MYH13: variants seen among roughly 807,000 people sequenced by gnomAD.
The protein encoded by MYH13 is myosin heavy chain 13, also known as myosin-13.
A neutral mutation model predicts 232.1 loss-of-function variants in MYH13; 177 were observed. That is an observed-to-expected ratio of 0.76 (90% confidence interval 0.67 to 0.86). The LOEUF (loss-of-function observed/expected upper bound fraction) is 0.86, where lower values mean the gene tolerates loss of function less well. Among genes scored for constraint, MYH13 ranks in the 40% least tolerant of loss-of-function variants. The pLI, the probability that MYH13 is intolerant of heterozygous loss-of-function variation, is 0.00. For synonymous variants in MYH13, 884 were observed against 923.5 expected (o/e 0.96, Z 0.78); for missense variants, 2,246 against 2,405.9 (o/e 0.93, Z 1.39).
intron 20 of MYH13, among the ~76,000 whole-genome samples, chr17:10,331,338 C>T (rs1460140016): frequency 2.0e-5 from 3 of 152,166 alleles, no homozygotes; most frequent in African/African-American, 4.8e-5. Flanking sequence ...CCAGCCTGCC[C>T]GTTTCTGAGA....
At chr17:10,370,578 C>T (rs1644331818) in intron 2 of MYH13, among the ~76,000 whole-genome samples, 2 of 152,148 alleles carry the variant, frequency 1.3e-5, no homozygotes, top group African/African-American at 4.8e-5. Context: ...GAGGGCTCCT[C>T]TCTCTCTGTT....
At position 10,357,799 on chromosome 17, in the gene MYH13, G is replaced by A. The variant is rs778748951; in HGVS notation, c.674C>T (p.Ala225Val). ...QGTLEDQIIQ[A>V]NPLLEAFGNA... ...TCCAAAGGCCTCCAGCAGTGGGTTG[G>A]CCTGGATGATCTGATCCTCTAGGGT... The change falls in exon 8 of 41, where the codon GCC becomes GTC. Residue 225 changes from alanine (A) to valine (V), a missense_variant. Ala to Val is a moderately conservative substitution (Grantham distance 64, BLOSUM62 0). Coordinates refer to ENST00000252172, the MANE Select transcript of MYH13 (RefSeq NM_003802.3). 6.2e-7 allele frequency: 1 copy of A among 1,613,840 alleles called. No individual in the cohort carries two copies.
intron 35 of MYH13, among the ~76,000 whole-genome samples, chr17:10,307,702 A>C (rs1162282820): frequency 6.6e-5 from 10 of 152,226 alleles, no homozygotes; most frequent in Admixed American, 6.5e-4. Context: ...AATTTATAGA[A>C]GAGAACTCTC....
Position 10,306,918 on chromosome 17 carries a change from A to T in MYH13, c.5295+21T>A, listed in dbSNP as rs1029898479. 1 of 1,612,378 alleles carries T rather than the reference A, an allele frequency of 6.2e-7. No individual in the cohort carries two copies. The highest frequency in any genetic ancestry group is 1.1e-5 in the South Asian group (1 of 90,984). On this transcript the variant is annotated intron_variant, in intron 36 of 40. Transcript: ENST00000252172. The surrounding 1 kb of genome is among the most constrained non-coding windows in gnomAD (Gnocchi z 4.3). The stretch of plus-strand genomic sequence containing the variant: ...TTCTCAGTTCCAAACCCCATCTCTG[A>T]AAAGGAAGAACAGAGCTCACATCCG...
At chr17:10,319,663 A>G (rs1906861500) in intron 26 of MYH13, among the ~76,000 whole-genome samples, 1 of 152,220 alleles carries the variant, frequency 6.6e-6, no homozygotes. Flanking sequence ...CACGTCTATC[A>G]TGGATAGCTC....
At position 10,350,560 on chromosome 17, in the gene MYH13, G is replaced by A. The variant is rs775984184; in HGVS notation, c.1140C>T (p.Thr380=). The A allele has an allele frequency of 1.2e-6, 2 of 1,612,146 alleles. No homozygotes were observed. The highest frequency in any genetic ancestry group is 2.2e-5 in the East Asian group (1 of 44,804). ...CCCTTTCCCAGATGCAGTTACCTTC[G>A]GTGCCGTCTGGCTCCGCCTGCTCCT... ...QREEQAEPDG[T]EVADKAGYLM... Residue 380 remains threonine, a synonymous_variant, in exon 12 of 41, where the codon ACC becomes ACT. Coordinates refer to ENST00000252172, the MANE Select transcript of MYH13 (RefSeq NM_003802.3).
rs1280052365 is a variant in MYH13, at chr17:10,333,091, A to G, written c.2157T>C (p.Tyr719=). ...CRKGFPSRIL[Y]ADFKQRYRIL... Reference sequence around the variant, plus strand: ...GAACCTACCGCTGCTTGAAGTCAGCATAGAGGATCCGGCTGGGGAATCCCT... The same window carrying G: ...GAACCTACCGCTGCTTGAAGTCAGCGTAGAGGATCCGGCTGGGGAATCCCT... The change falls in exon 19 of 41, where the codon TAT becomes TAC. Residue 719 remains tyrosine (Y), a synonymous_variant. Transcript: ENST00000252172. The G allele has an allele frequency of 6.4e-7, 1 of 1,551,084 alleles. No individual in the cohort carries two copies. The highest frequency in any genetic ancestry group is 1.4e-5 in the African/African-American group (1 of 73,046).
chr17:10,357,177 G>A (rs909518888), intron 8 of MYH13, among the ~76,000 whole-genome samples: 4 of 152,008 alleles, frequency 2.6e-5, no homozygotes, highest in East Asian at 1.9e-4. Context: ...GGTCAGGCTC[G>A]TCTCAAACTC....
Position 10,328,072 on chromosome 17 carries a change from TG to T in MYH13, c.2484del (p.Lys829SerfsTer6). 1 of 1,614,138 alleles carries T rather than the reference TG, an allele frequency of 6.2e-7. No homozygotes were observed. The highest frequency in any genetic ancestry group is 8.5e-7 in the Non-Finnish European group (1 of 1,180,010). On this transcript the variant is annotated frameshift_variant, in exon 22 of 41. Transcript: ENST00000252172. LOFTEE classifies it high-confidence loss of function. Reference sequence around the variant, plus strand: ...AACAGGTTCATCCAGGGCCAGTGCTTGACGTTCATAAAAGAGCGGATGTTGT... The same window carrying T: ...AACAGGTTCATCCAGGGCCAGTGCTTACGTTCATAAAAGAGCGGATGTTGT... The part of the protein sequence containing the change: ...IQYNIRSFMN[V>X]KHWPWMNLFF...
chr17:10,305,769 A>C (rs909292497), intron 37 of MYH13, among the ~76,000 whole-genome samples: 5 of 152,238 alleles, frequency 3.3e-5, no homozygotes. Flanking sequence ...CAAAGGGAAC[A>C]GTCAGCAAAG....
chr17:10,307,699 A>G (rs1355858376), intron 35 of MYH13, among the ~76,000 whole-genome samples: 1 of 152,264 alleles, frequency 6.6e-6, no homozygotes, highest in Non-Finnish European at 1.5e-5. Flanking sequence ...GAGAATTTAT[A>G]GAAGAGAACT....
At chr17:10,345,664 C>T (rs1597385513) in intron 13 of MYH13, 48 bp from the exon 14 acceptor site, 1 of 1,613,660 alleles carries the variant, frequency 6.2e-7, no homozygotes. Flanking sequence ...GTTTCTATGG[C>T]TGCATTAAGT....
At chr17:10,335,691 G>A (rs1410499148) in intron 18 of MYH13, among the ~76,000 whole-genome samples, 2 of 152,102 alleles carry the variant, frequency 1.3e-5, no homozygotes, top group African/African-American at 2.4e-5. Flanking sequence ...GGAGGCAGAG[G>A]TTGCAGTGAG....
At position 10,346,530 on chromosome 17, in the gene MYH13, C is replaced by T. The variant is rs1441780097; in HGVS notation, c.1263+150G>A. 6.4e-6 allele frequency: 4 copies of T among 622,490 alleles called. No homozygotes were observed. The African/African-American group carries it at 7.5e-5, about 12-fold the overall frequency. 38.6% of individuals were successfully genotyped at this position (622,490 alleles called of 1,614,324 possible). On this transcript the variant is annotated intron_variant, in intron 13 of 40. Transcript: ENST00000252172. ...GGGCACTTAATGATTTGCATTCCTT[C>T]AGTTGCCTCTGAAGCCTAAAAATGA...
chr17:10,359,972 T>C lies in MYH13; in HGVS notation c.633A>G (p.Pro211=), dbSNP rs750307059. 6.2e-7 allele frequency: 1 copy of C among 1,613,510 alleles called. No individual in the cohort carries two copies. Residue 211 remains proline, a synonymous_variant, in exon 7 of 41, where the codon CCA becomes CCG. Coordinates refer to ENST00000252172, the MANE Select transcript of MYH13 (RefSeq NM_003802.3). ...VTGDKKKETQ[P]GKMQGTLEDQ... is the part of the protein sequence containing the mutation. ...TGGGGCTGCTCACCTGCATTTTGCC[T>C]GGCTGTGTCTCCTTCTTCTTGTCCC...
At chr17:10,309,162 G>T in intron 35 of MYH13, 72 bp downstream of exon 35, 1 of 1,447,562 alleles carries the variant, frequency 6.9e-7, no homozygotes, top group Non-Finnish European at 9.3e-7. Context: ...GATAGCGGAA[G>T]CAGCTGCACG....
intron 5 of MYH13, 67 bp from the exon 6 acceptor site, chr17:10,360,255 A>T (rs2190730): frequency 0.2 from 306,204 of 1,550,728 alleles, 33,927 homozygotes; most frequent in Non-Finnish European, 0.23. Flanking sequence ...ATAAAGTAAC[A>T]TTGGGGGTGG....
Position 10,306,564 on chromosome 17 carries a change from C to G in MYH13, c.5361G>C (p.Lys1787Asn), listed in dbSNP as rs2142217022. 1 of 1,614,148 alleles carries G rather than the reference C, an allele frequency of 6.2e-7. No homozygotes were observed. Among genetic ancestry groups the G allele is most frequent in the Non-Finnish European group, 8.5e-7 (1 of 1,180,036 alleles). Residue 1787 changes from lysine (K) to asparagine (N), a missense_variant, in exon 37 of 41, where the codon AAG becomes AAC. Physicochemically the swap from Lys to Asn is moderately conservative, Grantham distance 94. Transcript: ENST00000252172. This position sits in a 1 kb window ranked among gnomAD's most constrained non-coding sequence, Gnocchi z 4.3. ...QDTSAHLERM[K>N]KNLEQTVKDL... ...CCTTCACCGTCTGCTCCAGGTTCTT[C>G]TTCATCCGCTCCAGGTGGGCGCTGG...
intron 26 of MYH13, 139 bp downstream of exon 26, chr17:10,320,014 C>T (rs1234909681): frequency 4.4e-6 from 3 of 685,520 alleles, no homozygotes; most frequent in Non-Finnish European, 7.4e-6. Context: ...TTTTCAAAAA[C>T]TAAAGGAAAT....
Sources: allele counts gnomAD v4.1 joint callset (sites outside exome capture counted in the v4.1 genomes callset), GRCh38; gene constraint gnomAD v4.1.1; non-coding constraint Gnocchi (gnomAD v3.1); transcripts MANE v1.5; gene names NCBI Gene and HGNC (gene_info 2026-07-23, HGNC 2026-07-21).